The following SPRED3 variants were observed in gnomAD, a reference collection of about 807,000 sequenced individuals.
SPRED3 encodes the protein sprouty related EVH1 domain containing 3.
Under a neutral mutation model 37.6 loss-of-function variants are expected in SPRED3, and 23 were observed. That is an observed-to-expected ratio of 0.61 (90% CI 0.44 to 0.87). The LOEUF (loss-of-function observed/expected upper bound fraction) is 0.87. Among genes scored for constraint, SPRED3 ranks in the 40% least tolerant of loss-of-function variants. SPRED3 has a pLI of 0.00. For missense variants in SPRED3, 584 were observed against 618.6 expected, an observed-to-expected ratio of 0.94 and a Z score of 0.59; for synonymous variants, 302 against 279.6, an observed-to-expected ratio of 1.08 and a Z score of -0.80.
intron 4 of SPRED3, chr19:38,392,503 C>T (rs1970845668): frequency 2.0e-6 from 1 of 512,792 alleles, no homozygotes; most frequent in Middle Eastern, 5.2e-4. Context: ...TATTGTGTAC[C>T]TTCTGTATAC....
chr19:38,393,642 A>G (rs6508793), intron 4 of SPRED3, among the ~76,000 whole-genome samples: 3,778 of 152,002 alleles, frequency 0.025, 56 homozygotes, highest in South Asian at 0.045. Context: ...TTTCTTATCT[A>G]TTAGTTTACG....
At chr19:38,391,421 A>G (rs1970831558) in intron 2 of SPRED3, among the ~76,000 whole-genome samples, 1 of 152,024 alleles carries the variant, frequency 6.6e-6, no homozygotes, top group Non-Finnish European at 1.5e-5. Flanking sequence ...TGAGATGTTC[A>G]GTAAAGTCTG....
chr19:38,396,115 C>T lies in SPRED3; in HGVS notation c.1203C>T (p.Cys401=). The T allele has an allele frequency of 1.6e-6, 2 of 1,285,218 alleles. No individual in the cohort carries two copies. The highest frequency in any genetic ancestry group is 9.8e-7 in the Non-Finnish European group (1 of 1,020,032). The allele number at this position is 1,285,218 out of a possible 1,614,324, so 79.6% of individuals were successfully genotyped here. A position where few individuals can be genotyped will look rare whatever the true frequency, so the allele number is the denominator to read the frequency against. The change falls in exon 6 of 6, where the codon TGC becomes TGT. Residue 401 remains cysteine (C), a synonymous_variant. Coordinates refer to ENST00000691638, the MANE Select transcript of SPRED3 (RefSeq NM_001394336.1). ...WVAARCGCAG[C]GGRHEEAAR is the part of the protein sequence containing the mutation. ...CAGCGCGATGCGGCTGCGCCGGCTG[C>T]GGGGGTCGCCACGAGGAGGCTGCGC...
chr19:38,390,103 G>A (rs749972290), intron 1 of SPRED3, 196 bp from the exon 2 acceptor site: 27 of 418,980 alleles, frequency 6.4e-5, no homozygotes, highest in Middle Eastern at 5.8e-4. Flanking sequence ...AGAAGAGATG[G>A]CATGAGGAAG....
Position 38,390,352 on chromosome 19 carries a change from G to A in SPRED3, c.50G>A (p.Gly17Asp). 1 of 1,385,872 alleles carries A rather than the reference G, an allele frequency of 7.2e-7. No individual in the cohort carries two copies. Among genetic ancestry groups the A allele is most frequent in the Non-Finnish European group, 9.4e-7 (1 of 1,063,878 alleles). The allele number at this position is 1,385,872 out of a possible 1,614,324, so 85.8% of individuals were successfully genotyped here. A position where few individuals can be genotyped will look rare whatever the true frequency, so the allele number is the denominator to read the frequency against. ...VVMARDDSSG[G>D]WLPVGGGGLS... Reference sequence around the variant, plus strand: ...ATGGCCCGAGATGACTCCAGTGGGGGCTGGCTGCCTGTGGGGGGCGGGGGC... The same window carrying A: ...ATGGCCCGAGATGACTCCAGTGGGGACTGGCTGCCTGTGGGGGGCGGGGGC... The change falls in exon 2 of 6, where the codon GGC becomes GAC. Residue 17 changes from glycine (G) to aspartate (D), a missense_variant. This residue lies in a region of SPRED3 where 20 missense variants were observed against 39.0 expected (regional missense o/e 0.51). Coordinates refer to ENST00000691638, the MANE Select transcript of SPRED3 (RefSeq NM_001394336.1).
chr19:38,390,766 C>CT (rs1600513255), intron 2 of SPRED3, among the ~76,000 whole-genome samples: 1 of 92,592 alleles, frequency 1.1e-5, no homozygotes, highest in East Asian at 5.0e-4. Context: ...GGGGCACTGC[C>CT]CCCCCCCCCC....
In SPRED3 at chr19:38,395,844, G is replaced by C; in HGVS notation, c.932G>C (p.Arg311Pro). 6.8e-7 allele frequency: 1 copy of C among 1,474,034 alleles called. No individual in the cohort carries two copies. Among genetic ancestry groups the C allele is most frequent in the South Asian group, 1.3e-5 (1 of 77,280 alleles). 91.3% of individuals were successfully genotyped at this position (1,474,034 alleles called of 1,614,324 possible). A position where few individuals can be genotyped will look rare whatever the true frequency, so the allele number is the denominator to read the frequency against. The stretch of plus-strand genomic sequence containing the variant: ...CTCTTCCGTCGCAGAGCAGACGGGC[G>C]TGGCGGCCGCTGCGCAGAGGCCCCG... ...RALFRRRADG[R>P]GGRCAEAPDP... is the part of the protein sequence containing the mutation. Residue 311 changes from arginine to proline, a missense_variant, in exon 6 of 6, where the codon CGT becomes CCT. By Grantham distance (103) the Arg-to-Pro change is moderately radical. Transcript: ENST00000691638. The surrounding 1 kb of genome is among the most constrained non-coding windows in gnomAD (Gnocchi z 5.2).
At chr19:38,393,279 C>T (rs905087604) in intron 4 of SPRED3, among the ~76,000 whole-genome samples, 1 of 151,258 alleles carries the variant, frequency 6.6e-6, no homozygotes, top group Non-Finnish European at 1.5e-5. Context: ...TGCCCCTTGT[C>T]TAGTGCTAAA....
chr19:38,390,071 G>T, intron 1 of SPRED3: 1 of 396,558 alleles, frequency 2.5e-6, no homozygotes, highest in Non-Finnish European at 4.5e-6. Context: ...GGCAGACATG[G>T]AGAAGAAGAT....
Position 38,398,871 on chromosome 19 carries a change from C to T in SPRED3, c.*2726C>T, listed in dbSNP as rs927476904. The T allele has an allele frequency of 2.0e-5, 3 of 152,212 alleles. No homozygotes were observed. Among genetic ancestry groups the T allele is most frequent in the African/African-American group, 7.2e-5 (3 of 41,444 alleles). 9.4% of individuals were successfully genotyped at this position (152,212 alleles called of 1,614,324 possible). On this transcript the variant is annotated 3_prime_UTR_variant, in exon 6 of 6. Coordinates refer to ENST00000691638, the MANE Select transcript of SPRED3 (RefSeq NM_001394336.1). ...CCTTTAAATTATTAACTATTTATTA[C>T]ATCCGGAACCTGTGAGATTCAGCAC... is the stretch of plus-strand genomic sequence containing the variant.
At position 38,395,694 on chromosome 19, in the gene SPRED3, C is replaced by G; in HGVS notation, c.782C>G (p.Pro261Arg). 6.8e-7 allele frequency: 1 copy of G among 1,479,568 alleles called. No homozygotes were observed. Among genetic ancestry groups the G allele is most frequent in the Non-Finnish European group, 8.9e-7 (1 of 1,126,746 alleles). The allele number at this position is 1,479,568 out of a possible 1,614,324, so 91.7% of individuals were successfully genotyped here. ...ALGPPAALPA[P>R]LTEAAPPAPP... ...GGTCCCCCAGCGGCACTACCTGCCC[C>G]TTTGACCGAGGCTGCGCCCCCAGCG... is the stretch of plus-strand genomic sequence containing the variant. Residue 261 changes from proline to arginine, a missense_variant, in exon 6 of 6, where the codon CCT (proline) becomes CGT (arginine). Physicochemically the swap from Pro to Arg is moderately radical, Grantham distance 103. Coordinates refer to ENST00000691638, the MANE Select transcript of SPRED3 (RefSeq NM_001394336.1). This position sits in a 1 kb window ranked among gnomAD's most constrained non-coding sequence, Gnocchi z 5.2.
Position 38,392,479 on chromosome 19 carries a change from C to T in SPRED3, c.423+191C>T, listed in dbSNP as rs552815531. ...TCTGCCCTGTCATGATTCACACGTT[C>T]ATTCAAGGGTCCTTATTGTGTACCT... On this transcript the variant is annotated intron_variant, in intron 4 of 5. Transcript: ENST00000691638. 59 of 617,164 alleles carry T rather than the reference C, an allele frequency of 9.6e-5. No individual in the cohort carries two copies. In the African/African-American group the frequency reaches 1.0e-3, roughly 11 times the overall value. The allele number at this position is 617,164 out of a possible 1,614,324, so 38.2% of individuals were successfully genotyped here.
rs1273771587 is a variant in SPRED3, at chr19:38,388,818, AG to A, written c.-5+17del. 5.0e-6 allele frequency: 2 copies of A among 397,370 alleles called. No homozygotes were observed. The highest frequency in any genetic ancestry group is 8.9e-6 in the Non-Finnish European group (2 of 225,394). The allele number at this position is 397,370 out of a possible 1,614,324, so 24.6% of individuals were successfully genotyped here. A position where few individuals can be genotyped will look rare whatever the true frequency, so the allele number is the denominator to read the frequency against. ...GCCGGAGCCTCGCAGGCAGGTGCCGAGGGGGGCGAGGGGGCGGGGGCTGACA... is the reference window on the plus strand; with the variant it reads ...GCCGGAGCCTCGCAGGCAGGTGCCGAGGGGGCGAGGGGGCGGGGGCTGACA... On this transcript the variant is annotated intron_variant, in intron 1 of 5. Coordinates refer to ENST00000691638, the MANE Select transcript of SPRED3 (RefSeq NM_001394336.1).
In SPRED3 at chr19:38,398,248, T is replaced by C. The variant is rs1407562229; in HGVS notation, c.*2103T>C. ...CCTATTTATTTATTTATTTATTTAT[T>C]TATTTTGAGACAGAGTCTCGCTGTA... is the stretch of plus-strand genomic sequence containing the variant. On this transcript the variant is annotated 3_prime_UTR_variant, in exon 6 of 6. Coordinates refer to ENST00000691638, the MANE Select transcript of SPRED3 (RefSeq NM_001394336.1). 1 of 152,168 alleles carries C rather than the reference T, an allele frequency of 6.6e-6. No homozygotes were observed. Among genetic ancestry groups the C allele is most frequent in the Non-Finnish European group, 1.5e-5 (1 of 68,088 alleles). The allele number at this position is 152,168 out of a possible 1,614,324, so 9.4% of individuals were successfully genotyped here.
chr19:38,395,837 G>A lies in SPRED3; in HGVS notation c.925G>A (p.Asp309Asn). The change falls in exon 6 of 6, where the codon GAC becomes AAC. Residue 309 changes from aspartate to asparagine, a missense_variant. Around this residue, in one of 7 missense-constraint regions of SPRED3, gnomAD observed 67 missense variants for 57.4 expected, o/e 1.17. Coordinates refer to ENST00000691638, the MANE Select transcript of SPRED3 (RefSeq NM_001394336.1). The surrounding 1 kb of genome is among the most constrained non-coding windows in gnomAD (Gnocchi z 5.2). ...CCGCGCGCTCTTCCGTCGCAGAGCA[G>A]ACGGGCGTGGCGGCCGCTGCGCAGA... The part of the protein sequence containing the change: ...HCRALFRRRA[D>N]GRGGRCAEAP... The A allele has an allele frequency of 6.8e-7, 1 of 1,473,304 alleles. No individual in the cohort carries two copies. Among genetic ancestry groups the A allele is most frequent in the Non-Finnish European group, 8.9e-7 (1 of 1,120,754 alleles). The allele number at this position is 1,473,304 out of a possible 1,614,324, so 91.3% of individuals were successfully genotyped here.
chr19:38,391,898 GCA>G, intron 2 of SPRED3, 46 bp from the exon 3 acceptor site: 2 of 1,603,080 alleles, frequency 1.2e-6, no homozygotes, highest in Non-Finnish European at 1.7e-6. Flanking sequence ...GACGTCACAG[GCA>G]TGTCTGGGTT....
chr19:38,392,039 C>T lies in SPRED3; in HGVS notation c.271C>T (p.Leu91=). The change falls in exon 3 of 6, where the codon CTG becomes TTG. Residue 91 remains leucine, a synonymous_variant. Transcript: ENST00000691638. ...HWSLGDCKFG[L]TFQSPAEADE... ...GAGCCTGGGTGACTGCAAGTTTGGA[C>T]TGACGTTTCAGAGCCCTGCAGAGGC... is the stretch of plus-strand genomic sequence containing the variant. 6.2e-7 allele frequency: 1 copy of T among 1,614,212 alleles called. No homozygotes were observed. The highest frequency in any genetic ancestry group is 2.2e-5 in the East Asian group (1 of 44,886).
At chr19:38,393,551 T>C (rs937914205) in intron 4 of SPRED3, among the ~76,000 whole-genome samples, 1 of 152,112 alleles carries the variant, frequency 6.6e-6, no homozygotes, top group African/African-American at 2.4e-5. Flanking sequence ...TTGGTCAGGC[T>C]GATCTCAAAC....
chr19:38,395,265 A>G lies in SPRED3; in HGVS notation c.568-215A>G, dbSNP rs1970880483. Reference sequence around the variant, plus strand: ...TTGGATCTTAAGAGAGGACAGGACTAGGAACCTTCGGCCTCTGGGTCCTTA... The same window carrying G: ...TTGGATCTTAAGAGAGGACAGGACTGGGAACCTTCGGCCTCTGGGTCCTTA... On this transcript the variant is annotated intron_variant, in intron 5 of 5. Transcript: ENST00000691638. This position sits in a 1 kb window ranked among gnomAD's most constrained non-coding sequence, Gnocchi z 5.2. Among the ~76,000 whole-genome samples the G allele has an allele frequency of 6.6e-6, 1 of 152,138 alleles. No individual in the cohort carries two copies. Among genetic ancestry groups the G allele is most frequent in the African/African-American group, 2.4e-5 (1 of 41,434 alleles).
Sources: allele counts gnomAD v4.1 joint callset (sites outside exome capture counted in the v4.1 genomes callset), GRCh38; gene constraint gnomAD v4.1.1; regional missense constraint gnomAD v4.1.1; non-coding constraint Gnocchi (gnomAD v3.1); transcripts MANE v1.5; gene names NCBI Gene and HGNC (gene_info 2026-07-23, HGNC 2026-07-21).